The following CLDN10 variants were observed in gnomAD, a reference collection of about 807,000 sequenced individuals.
The protein encoded by CLDN10 is claudin-10.
In CLDN10, 15 loss-of-function variants were observed where a neutral mutation model predicts 22.9. The ratio of observed to expected loss-of-function variants is 0.65; its 90% CI spans 0.44 to 1.01. The LOEUF is 1.01. Ranked by LOEUF, CLDN10 falls within the 50% of genes least tolerant of loss-of-function variation. The probability of loss-of-function intolerance (pLI) is 0.00; values close to 1 mark genes in which losing one functional copy is unlikely to be tolerated. For synonymous variants in CLDN10, 114 were observed against 111.4 expected, an observed-to-expected ratio of 1.02 and a Z score of -0.15; for missense variants, 247 against 287.8, an observed-to-expected ratio of 0.86 and a Z score of 1.03.
intron 1 of CLDN10, among the ~76,000 whole-genome samples, chr13:95,520,532 C>T (rs2043213517): frequency 6.6e-6 from 1 of 152,120 alleles, no homozygotes; most frequent in South Asian, 2.1e-4. Flanking sequence ...GGCTTCCATG[C>T]CCTGCTACTT....
At chr13:95,446,253 T>C (rs910578694) in intron 1 of CLDN10, among the ~76,000 whole-genome samples, 1 of 152,204 alleles carries the variant, frequency 6.6e-6, no homozygotes, top group Admixed American at 6.5e-5. Context: ...GCTGGGAAGA[T>C]AGATGAGGCA....
chr13:95,518,069 T>C (rs936734030), intron 1 of CLDN10, among the ~76,000 whole-genome samples: 26 of 152,252 alleles, frequency 1.7e-4, no homozygotes, highest in South Asian at 4.2e-4. Flanking sequence ...CATTTTATAG[T>C]GATTAAGAAG....
chr13:95,434,094 C>T, intron 1 of CLDN10: 1 of 1,536,418 alleles, frequency 6.5e-7, no homozygotes, highest in Non-Finnish European at 9.0e-7. Flanking sequence ...TGTACTTTTC[C>T]CCCCGACTGT....
upstream of CLDN10, among the ~76,000 whole-genome samples, chr13:95,550,107 T>C (rs1318492464): frequency 6.6e-6 from 1 of 152,218 alleles, no homozygotes; most frequent in Non-Finnish European, 1.5e-5. Context: ...CCAGAGATTC[T>C]GGCTTCACTG....
intron 1 of CLDN10, among the ~76,000 whole-genome samples, chr13:95,547,271 T>C (rs535606482): frequency 2.6e-5 from 4 of 152,130 alleles, no homozygotes; most frequent in Non-Finnish European, 5.9e-5. Flanking sequence ...CCCGGGACTA[T>C]CCTCTGCTCT....
chr13:95,495,874 G>A (rs1055464144), intron 1 of CLDN10, among the ~76,000 whole-genome samples: 51 of 152,136 alleles, frequency 3.4e-4, no homozygotes, highest in Admixed American at 3.3e-4. Flanking sequence ...ATAATTCTGA[G>A]TCATTTTTTA....
At chr13:95,498,419 A>T (rs988315609) in intron 1 of CLDN10, among the ~76,000 whole-genome samples, 1 of 152,126 alleles carries the variant, frequency 6.6e-6, no homozygotes, top group Non-Finnish European at 1.5e-5. Context: ...TTTTTGAGAC[A>T]GGGATTGCTC....
At chr13:95,517,933 C>CAAAA (rs35780641) in intron 1 of CLDN10, among the ~76,000 whole-genome samples, 84 of 94,008 alleles carry the variant, frequency 8.9e-4, no homozygotes, top group Non-Finnish European at 1.3e-3. Context: ...AACTCCACCT[C>CAAAA]AAAAAAAAAA....
chr13:95,536,828 T>C (rs1358695593), intron 1 of CLDN10, among the ~76,000 whole-genome samples: 2 of 152,194 alleles, frequency 1.3e-5, no homozygotes, highest in East Asian at 3.8e-4. Context: ...TGAAATGTCT[T>C]AACAATCTTT....
chr13:95,450,871 C>T (rs531705670), intron 1 of CLDN10, among the ~76,000 whole-genome samples: 43 of 152,288 alleles, frequency 2.8e-4, no homozygotes, highest in African/African-American at 9.9e-4. Context: ...AGATGAAACC[C>T]CCAAAGGCAG....
intron 3 of CLDN10, among the ~76,000 whole-genome samples, chr13:95,570,079 G>A (rs183922459): frequency 3.2e-4 from 49 of 152,184 alleles, no homozygotes; most frequent in African/African-American, 1.1e-3. Context: ...ACAAAGCCAC[G>A]TACACCCACA....
At chr13:95,486,963 ATGAAG>A (rs1177703226) in intron 1 of CLDN10, among the ~76,000 whole-genome samples, 1 of 152,206 alleles carries the variant, frequency 6.6e-6, no homozygotes, top group African/African-American at 2.4e-5. Context: ...CATGGCCAAA[ATGAAG>A]TGGAGATTTT....
chr13:95,537,493 T>G (rs1418800977), intron 1 of CLDN10, among the ~76,000 whole-genome samples: 4 of 152,140 alleles, frequency 2.6e-5, no homozygotes, highest in Non-Finnish European at 5.9e-5. Context: ...GCCAAAAAGG[T>G]GCTGAAGTAG....
chr13:95,445,737 G>A (rs1420710769), intron 1 of CLDN10, among the ~76,000 whole-genome samples: 1 of 152,200 alleles, frequency 6.6e-6, no homozygotes, highest in Middle Eastern at 3.2e-3. Context: ...AGACAGATTA[G>A]TTTGACCGAG....
intron 1 of CLDN10, among the ~76,000 whole-genome samples, chr13:95,437,486 T>C (rs1440349253): frequency 6.6e-6 from 1 of 152,160 alleles, no homozygotes; most frequent in Non-Finnish European, 1.5e-5. Flanking sequence ...AGAAAAGCAG[T>C]TCTTTCTGAG....
At chr13:95,434,098 C>G (rs1460932986) in intron 1 of CLDN10, 3 of 1,513,788 alleles carry the variant, frequency 2.0e-6, no homozygotes, top group Admixed American at 3.4e-5. Flanking sequence ...CTTTTCCCCC[C>G]GACTGTGCTG....
At position 95,552,807 on chromosome 13, in the gene CLDN10, G is replaced by T; in HGVS notation, c.54G>T (p.Trp18Cys). ...IIAFMVSISG[W>C]VLVSSTLPTD... ...CCTTCATGGTCTCCATCTCAGGCTG[G>T]GTACTGGTGTCCTCCACGCTGCCCA... Residue 18 changes from tryptophan (W) to cysteine (C), a missense_variant, in exon 1 of 5, where the codon TGG becomes TGT. Transcript: ENST00000299339. 2 of 1,614,022 alleles carry T rather than the reference G, an allele frequency of 1.2e-6. No homozygotes were observed. The highest frequency in any genetic ancestry group is 1.7e-6 in the Non-Finnish European group (2 of 1,179,984).
chr13:95,532,156 T>A (rs572325204), intron 1 of CLDN10, among the ~76,000 whole-genome samples: 21 of 152,188 alleles, frequency 1.4e-4, no homozygotes, highest in African/African-American at 5.1e-4. Context: ...AGAAAAAAAT[T>A]TATATACATT....
intron 1 of CLDN10, among the ~76,000 whole-genome samples, chr13:95,537,353 C>T (rs1158410690): frequency 6.6e-6 from 1 of 152,116 alleles, no homozygotes; most frequent in Non-Finnish European, 1.5e-5. Context: ...ACCCAGTATG[C>T]ACGGCTCTTC....
Sources: allele counts gnomAD v4.1 joint callset (sites outside exome capture counted in the v4.1 genomes callset), GRCh38; gene constraint gnomAD v4.1.1; transcripts MANE v1.5; gene names NCBI Gene and HGNC (gene_info 2026-07-23, HGNC 2026-07-21).